Variants in ALDOB observed in about 807,000 individuals in gnomAD.
ALDOB encodes the protein fructose-bisphosphate aldolase B.
In ALDOB, 39 loss-of-function variants were observed where a neutral mutation model predicts 41.0. The observed-to-expected ratio is 0.95, with a 90% CI of 0.74 to 1.24. The LOEUF (loss-of-function observed/expected upper bound fraction) is 1.24. Ranked by LOEUF, ALDOB falls within the 50% of genes most tolerant of loss-of-function variation. The pLI is 0.00. For missense variants in ALDOB, 530 were observed against 457.3 expected (o/e 1.16, Z -1.45); for synonymous variants, 175 against 168.8 (o/e 1.04, Z -0.28).
At position 101,421,680 on chromosome 9, in the gene ALDOB, G is replaced by A; in HGVS notation, c.*129C>T. 1 of 779,060 alleles carries A rather than the reference G, an allele frequency of 1.3e-6. No individual in the cohort carries two copies. Among genetic ancestry groups the A allele is most frequent in the Non-Finnish European group, 2.3e-6 (1 of 439,852 alleles). The allele number at this position is 779,060 out of a possible 1,614,324, so 48.3% of individuals were successfully genotyped here. A position where few individuals can be genotyped will look rare whatever the true frequency, so the allele number is the denominator to read the frequency against. On this transcript the variant is annotated 3_prime_UTR_variant, in exon 9 of 9. Coordinates refer to ENST00000647789, the MANE Select transcript of ALDOB (RefSeq NM_000035.4). ...TTTATTTTTTCCCCCTTGTACTTAA[G>A]ATTTAACATGTGTTGTATTTCCAGC...
intron 4 of ALDOB, 116 bp downstream of exon 4, chr9:101,428,353 G>C (rs755450945): frequency 2.1e-5 from 20 of 934,380 alleles, no homozygotes; most frequent in Non-Finnish European, 3.2e-5. Context: ...AACCAGGTAC[G>C]TGTGGCTCTA....
chr9:101,428,695 AC>A (rs1422389380), intron 3 of ALDOB, among the ~76,000 whole-genome samples, 172 bp from the exon 4 acceptor site: 1 of 152,240 alleles, frequency 6.6e-6, no homozygotes, highest in African/African-American at 2.4e-5. Flanking sequence ...TAGAAGGTAC[AC>A]TGTGAGAGTG....
At chr9:101,432,446 C>T (rs1564079539) in intron 1 of ALDOB, among the ~76,000 whole-genome samples, 1 of 152,286 alleles carries the variant, frequency 6.6e-6, no homozygotes, top group East Asian at 1.9e-4. Flanking sequence ...TGAAAAAAGC[C>T]AACCTGGGTG....
At chr9:101,432,947 G>T (rs1006322440) in intron 1 of ALDOB, among the ~76,000 whole-genome samples, 1 of 152,202 alleles carries the variant, frequency 6.6e-6, no homozygotes, top group African/African-American at 2.4e-5. Flanking sequence ...GTAGAGGTTT[G>T]CTGCTAGCAG....
In ALDOB at chr9:101,429,876, C is replaced by G; in HGVS notation, c.203G>C (p.Ser68Thr). 6.2e-7 allele frequency: 1 copy of G among 1,614,110 alleles called. No homozygotes were observed. The highest frequency in any genetic ancestry group is 8.5e-7 in the Non-Finnish European group (1 of 1,180,014). ...ACCCCCGATGCTCTGGTTGATGGAA[C>G]TGTCCACAGAGAAGAGGATTTCTCG... The part of the protein sequence containing the change: ...QFREILFSVD[S>T]SINQSIGGVI... The change falls in exon 3 of 9, where the codon AGT (serine) becomes ACT (threonine). Residue 68 changes from serine (S) to threonine (T), a missense_variant. Physicochemically the swap from Ser to Thr is moderately conservative, Grantham distance 58. Transcript: ENST00000647789.
intron 3 of ALDOB, 77 bp downstream of exon 3, chr9:101,429,678 G>T: frequency 7.7e-7 from 1 of 1,305,668 alleles, no homozygotes; most frequent in Non-Finnish European, 1.1e-6. Flanking sequence ...TGTTCAGAGT[G>T]TTGGCCCTGT....
At chr9:101,433,454 T>A (rs997971257) in intron 1 of ALDOB, among the ~76,000 whole-genome samples, 2 of 152,210 alleles carry the variant, frequency 1.3e-5, no homozygotes, top group African/African-American at 4.8e-5. Flanking sequence ...CAGGCCAATG[T>A]TCACCACAAG....
At chr9:101,421,985 C>T in intron 8 of ALDOB, 81 bp from the exon 9 acceptor site, 1 of 1,151,360 alleles carries the variant, frequency 8.7e-7, no homozygotes, top group Non-Finnish European at 1.3e-6. Flanking sequence ...CATGGGAAAC[C>T]AGTCAAACCT....
At chr9:101,432,850 A>G (rs1831240764) in intron 1 of ALDOB, among the ~76,000 whole-genome samples, 1 of 151,934 alleles carries the variant, frequency 6.6e-6, no homozygotes, top group Non-Finnish European at 1.5e-5. Flanking sequence ...ATGACTCCTA[A>G]TGTCCTTGAT....
chr9:101,427,263 A>AT (rs1418403648), intron 5 of ALDOB, among the ~76,000 whole-genome samples: 1 of 152,158 alleles, frequency 6.6e-6, no homozygotes, highest in East Asian at 1.9e-4. Context: ...AGTTGATGGC[A>AT]TTATCCTTTG....
chr9:101,421,715 C>A lies in ALDOB; in HGVS notation c.*94G>T, dbSNP rs1300916507. The A allele has an allele frequency of 3.1e-6, 3 of 958,540 alleles. No individual in the cohort carries two copies. Among genetic ancestry groups the A allele is most frequent in the East Asian group, 4.9e-5 (2 of 41,190 alleles). 59.4% of individuals were successfully genotyped at this position (958,540 alleles called of 1,614,324 possible). On this transcript the variant is annotated 3_prime_UTR_variant, in exon 9 of 9. Coordinates refer to ENST00000647789, the MANE Select transcript of ALDOB (RefSeq NM_000035.4). ...GTGTTGTATTTCCAGCAGTTCAAAT[C>A]TAATTGTGTCGAATTTCCAGGATTG...
intron 7 of ALDOB, 83 bp from the exon 8 acceptor site, chr9:101,425,125 A>T: frequency 6.9e-7 from 1 of 1,456,896 alleles, no homozygotes. Context: ...CCTACCAGAA[A>T]AGTAATGTCT....
chr9:101,430,465 A>G (rs1264769248), intron 2 of ALDOB, among the ~76,000 whole-genome samples: 2 of 152,130 alleles, frequency 1.3e-5, no homozygotes, highest in African/African-American at 2.4e-5. Context: ...CTGACTTTAA[A>G]CTGACTTCTC....
At chr9:101,431,378 G>A (rs911386864) in intron 1 of ALDOB, among the ~76,000 whole-genome samples, 16 of 152,216 alleles carry the variant, frequency 1.1e-4, no homozygotes, top group Non-Finnish European at 2.2e-4. Flanking sequence ...AAACAAACTT[G>A]AAAGGAGAAA....
intron 1 of ALDOB, among the ~76,000 whole-genome samples, chr9:101,431,683 C>T (rs1363459851): frequency 3.3e-5 from 5 of 152,166 alleles, no homozygotes; most frequent in Admixed American, 3.3e-4. Flanking sequence ...TGCCCCTGTT[C>T]GGATGCCACT....
intron 1 of ALDOB, among the ~76,000 whole-genome samples, chr9:101,434,409 G>A (rs1272716338): frequency 6.6e-6 from 1 of 152,202 alleles, no homozygotes; most frequent in Admixed American, 6.5e-5. Context: ...CCTTGAAGAT[G>A]TTCTGTGAAA....
At chr9:101,425,349 G>A (rs1001325875) in intron 7 of ALDOB, 104 bp downstream of exon 7, 32 of 1,389,338 alleles carry the variant, frequency 2.3e-5, no homozygotes, top group Non-Finnish European at 3.1e-5. Flanking sequence ...GATAACAGAG[G>A]TTTGTTTCAT....
chr9:101,431,911 G>A (rs76369177), intron 1 of ALDOB, among the ~76,000 whole-genome samples: 32 of 151,976 alleles, frequency 2.1e-4, no homozygotes, highest in Non-Finnish European at 1.3e-4. Context: ...ATTACTTCCC[G>A]GAAGCCCAGG....
At position 101,421,885 on chromosome 9, in the gene ALDOB, T is replaced by G; in HGVS notation, c.1019A>C (p.Lys340Thr). The G allele has an allele frequency of 6.2e-7, 1 of 1,614,002 alleles. No individual in the cohort carries two copies. Residue 340 changes from lysine (K) to threonine (T), a missense_variant, in exon 9 of 9, where the codon AAA becomes ACA. Transcript: ENST00000647789. ...AGAACCCGTGTGAACATACTGTCCTTTGGCCGCCTGGCAGTTAGCCTAGAA... is the reference window on the plus strand; with the variant it reads ...AGAACCCGTGTGAACATACTGTCCTGTGGCCGCCTGGCAGTTAGCCTAGAA... ...KRAMANCQAA[K>T]GQYVHTGSSG...
Sources: gnomAD v4.1 joint callset for allele counts (sites outside exome capture counted in the v4.1 genomes callset) on GRCh38, gnomAD v4.1.1 for gene constraint, MANE v1.5 for transcripts, NCBI Gene and HGNC (gene_info 2026-07-23, HGNC 2026-07-21) for gene names.